Variants in HARBI1 observed in about 807,000 individuals in gnomAD.
HARBI1 encodes the protein putative nuclease HARBI1.
In HARBI1, 15 loss-of-function variants were observed where a neutral mutation model predicts 25.3. The observed-to-expected ratio is 0.59, with a 90% CI of 0.40 to 0.91. The LOEUF is 0.91. HARBI1 is among the 40% of genes least tolerant of loss of function. HARBI1 has a pLI of 0.00. For synonymous variants in HARBI1, 168 were observed against 160.5 expected, an observed-to-expected ratio of 1.05 and a Z score of -0.35; for missense variants, 396 against 445.8, an observed-to-expected ratio of 0.89 and a Z score of 1.01.
Position 46,615,702 on chromosome 11 carries a change from A to G in HARBI1, c.536T>C (p.Val179Ala), listed in dbSNP as rs1034125649. ...CATTAGTGTCCCTCTAATGTCACACACCATCAGGCAGTTTAAAGAATGCAG... is the reference window on the plus strand; with the variant it reads ...CATTAGTGTCCCTCTAATGTCACACGCCATCAGGCAGTTTAAAGAATGCAG... ...KGLHSLNCLM[V>A]CDIRGTLMTV... The change falls in exon 2 of 3, where the codon GTG becomes GCG. Residue 179 changes from valine (V) to alanine (A), a missense_variant. Transcript: ENST00000326737. The G allele has an allele frequency of 3.1e-6, 5 of 1,614,016 alleles. No individual in the cohort carries two copies. The highest frequency in any genetic ancestry group is 1.3e-5 in the African/African-American group (1 of 74,878).
chr11:46,606,074 T>C (rs1409207961), intron 2 of HARBI1, among the ~76,000 whole-genome samples: 22 of 149,552 alleles, frequency 1.5e-4, no homozygotes, highest in African/African-American at 5.2e-4. Flanking sequence ...TTAGTAGAGA[T>C]GGGGTTTCAC....
rs537607532 is a variant in HARBI1 at position 46,610,336 on chromosome 11, G to A, written c.670+5232C>T. Among the ~76,000 whole-genome samples the A allele has an allele frequency of 3.9e-4, 57 of 145,762 alleles. 1 individual carries two copies. The South Asian group carries it at 0.012, about 30-fold the overall frequency. On this transcript the variant is annotated intron_variant, in intron 2 of 2. Transcript: ENST00000326737. ...CCCTGTTTCAAAAATACATGTGTGTGTATGTATATAATATATATATATATA... is the reference window on the plus strand; with the variant it reads ...CCCTGTTTCAAAAATACATGTGTGTATATGTATATAATATATATATATATA...
In HARBI1 at chr11:46,603,673, G is replaced by A. The variant is rs763967077; in HGVS notation, c.907C>T (p.Leu303=). Residue 303 remains leucine, a synonymous_variant, in exon 3 of 3, where the codon CTG becomes TTG. Coordinates refer to ENST00000326737, the MANE Select transcript of HARBI1 (RefSeq NM_173811.4). ...GACCAAACATCCATCCCATGCTCCAGGGAGATGTTGTGGAGGACACAACAG... is the reference window on the plus strand; with the variant it reads ...GACCAAACATCCATCCCATGCTCCAAGGAGATGTTGTGGAGGACACAACAG... ...LACCVLHNIS[L]EHGMDVWSSP... 1 of 1,614,190 alleles carries A rather than the reference G, an allele frequency of 6.2e-7. No homozygotes were observed. Among genetic ancestry groups the A allele is most frequent in the Non-Finnish European group, 8.5e-7 (1 of 1,180,030 alleles).
chr11:46,604,175 A>G, intron 2 of HARBI1: 2 of 985,428 alleles, frequency 2.0e-6, no homozygotes, highest in Non-Finnish European at 2.4e-6. Flanking sequence ...CCAAATATGA[A>G]AGAATGTAGG....
chr11:46,615,222 T>G (rs571483029), intron 2 of HARBI1, among the ~76,000 whole-genome samples: 1 of 151,004 alleles, frequency 6.6e-6, no homozygotes, highest in Non-Finnish European at 1.5e-5. Context: ...CTTTTCTTTC[T>G]TTCTTTTTTT....
chr11:46,605,164 G>A (rs769923941), intron 2 of HARBI1, among the ~76,000 whole-genome samples: 2 of 152,160 alleles, frequency 1.3e-5, no homozygotes, highest in African/African-American at 4.8e-5. Flanking sequence ...GGACTGTTCA[G>A]ACAGTGGTAG....
chr11:46,603,761 G>A lies in HARBI1; in HGVS notation c.819C>T (p.Cys273=), dbSNP rs1037513264. 16 of 1,614,206 alleles carry A rather than the reference G, an allele frequency of 9.9e-6. No homozygotes were observed. The Middle Eastern group carries it at 4.9e-4, about 50-fold the overall frequency. ...GCAGTGCCCCCTTGGATCCATCCAGGCAGCGGAATCGGGAGCAGAGGGTTC... is the reference window on the plus strand; with the variant it reads ...GCAGTGCCCCCTTGGATCCATCCAGACAGCGGAATCGGGAGCAGAGGGTTC... The part of the protein sequence containing the change: ...TFRTLCSRFR[C]LDGSKGALQY... Residue 273 remains cysteine, a synonymous_variant, in exon 3 of 3, where the codon TGC becomes TGT. Coordinates refer to ENST00000326737, the MANE Select transcript of HARBI1 (RefSeq NM_173811.4).
chr11:46,607,015 A>T lies in HARBI1; in HGVS notation c.671-3106T>A, dbSNP rs76798549. Among the ~76,000 whole-genome samples the T allele has an allele frequency of 3.7e-4, 56 of 152,294 alleles. No homozygotes were observed. In the East Asian group the frequency reaches 8.9e-3, roughly 24 times the overall value. On this transcript the variant is annotated intron_variant, in intron 2 of 2. Coordinates refer to ENST00000326737, the MANE Select transcript of HARBI1 (RefSeq NM_173811.4). ...CACGGTGGCTCACACCTGTAATCCC[A>T]GCACTTTGAGAGGCTAAGGCAGGCG...
At chr11:46,615,397 T>A (rs2045340244) in intron 2 of HARBI1, among the ~76,000 whole-genome samples, 171 bp downstream of exon 2, 1 of 151,906 alleles carries the variant, frequency 6.6e-6, no homozygotes, top group Non-Finnish European at 1.5e-5. Flanking sequence ...TTTGTATTTT[T>A]AGTAGAGACA....
chr11:46,603,982 A>G (rs563068023), intron 2 of HARBI1, 73 bp from the exon 3 acceptor site: 2 of 1,499,402 alleles, frequency 1.3e-6, no homozygotes, highest in South Asian at 2.7e-5. Flanking sequence ...TTCAGAAAAC[A>G]TATACTGACA....
chr11:46,612,252 A>C (rs1404512817), intron 2 of HARBI1, among the ~76,000 whole-genome samples: 1 of 152,184 alleles, frequency 6.6e-6, no homozygotes, highest in East Asian at 1.9e-4. Flanking sequence ...GGATTGCTTG[A>C]GACCAGCCTG....
chr11:46,605,346 G>A (rs2044897744), intron 2 of HARBI1, among the ~76,000 whole-genome samples: 1 of 151,944 alleles, frequency 6.6e-6, no homozygotes, highest in African/African-American at 2.4e-5. Flanking sequence ...GGGACCACAG[G>A]CATGCGCCAC....
intron 1 of HARBI1, 31 bp downstream of exon 1, chr11:46,617,093 G>T: frequency 1.3e-6 from 1 of 754,852 alleles, no homozygotes; most frequent in Non-Finnish European, 1.6e-6. Context: ...GATTGCGCCG[G>T]CCACTCAGTT....
chr11:46,605,586 CCTTTT>C (rs1231415967), intron 2 of HARBI1, among the ~76,000 whole-genome samples: 13 of 134,000 alleles, frequency 9.7e-5, no homozygotes, highest in Non-Finnish European at 1.4e-4. Context: ...CCAGGTATAA[CCTTTT>C]TTTTTTTTTT....
chr11:46,604,992 A>T (rs2044882077), intron 2 of HARBI1, among the ~76,000 whole-genome samples: 1 of 152,194 alleles, frequency 6.6e-6, no homozygotes, highest in Non-Finnish European at 1.5e-5. Flanking sequence ...CAATGTTAGT[A>T]TAATGCTTTC....
At chr11:46,616,649 T>C (rs550586530) in intron 1 of HARBI1, 23 of 1,004,674 alleles carry the variant, frequency 2.3e-5, no homozygotes, top group Non-Finnish European at 2.6e-5. Context: ...ATGACATAAT[T>C]ATTCACAAGG....
intron 1 of HARBI1, chr11:46,616,723 G>A (rs1423098811): frequency 5.1e-6 from 5 of 987,756 alleles, no homozygotes; most frequent in Non-Finnish European, 6.0e-6. Flanking sequence ...TAACCACCTT[G>A]GGTAAGAATT....
At chr11:46,617,547 C>CA (rs544558426), upstream of HARBI1, 323 of 243,974 alleles carry the variant, frequency 1.3e-3, 6 homozygotes, top group Non-Finnish European at 1.6e-3. Flanking sequence ...TTCACCCCCC[C>CA]CCCCCGGCCA....
At chr11:46,612,264 G>A (rs1272889948) in intron 2 of HARBI1, among the ~76,000 whole-genome samples, 1 of 151,986 alleles carries the variant, frequency 6.6e-6, no homozygotes, top group African/African-American at 2.4e-5. Flanking sequence ...ACCAGCCTGG[G>A]CAACATAACA....
Sources: gnomAD v4.1 joint callset for allele counts (sites outside exome capture counted in the v4.1 genomes callset) on GRCh38, gnomAD v4.1.1 for gene constraint, MANE v1.5 for transcripts, NCBI Gene and HGNC (gene_info 2026-07-23, HGNC 2026-07-21) for gene names.